TASOR2: variants seen among roughly 807,000 people sequenced by gnomAD.
TASOR2 encodes the protein transcription activation suppressor family member 2, also known as protein TASOR 2.
A neutral mutation model predicts 199.5 loss-of-function variants in TASOR2; 84 were observed. The ratio of observed to expected loss-of-function variants is 0.42; its 90% CI spans 0.35 to 0.50. The LOEUF is 0.50. Ranked by LOEUF, TASOR2 falls within the 20% of genes least tolerant of loss-of-function variation. The probability of loss-of-function intolerance (pLI) is 0.02; values close to 1 mark genes in which losing one functional copy is unlikely to be tolerated. For missense variants in TASOR2, 2,796 were observed against 2,835.9 expected (o/e 0.99, Z 0.32); for synonymous variants, 1,103 against 1,046.6 (o/e 1.05, Z -1.04).
At chr10:5,734,105 A>G (rs1309770205) in intron 11 of TASOR2, among the ~76,000 whole-genome samples, 1 of 152,206 alleles carries the variant, frequency 6.6e-6, no homozygotes, top group Non-Finnish European at 1.5e-5. Context: ...CTTCTGTATA[A>G]TGTAATTTAA....
chr10:5,695,273 A>T (rs1324499189), intron 1 of TASOR2, among the ~76,000 whole-genome samples: 1 of 152,220 alleles, frequency 6.6e-6, no homozygotes, highest in Non-Finnish European at 1.5e-5. Flanking sequence ...CATTAAGGAA[A>T]ATGACATTAA....
chr10:5,749,452 A>G (rs574346449), exon 15 of TASOR2: 2 of 1,614,084 alleles, frequency 1.2e-6, no homozygotes, highest in East Asian at 4.5e-5. Context: ...GGAGTCACCA[A>G]CCCAGATCTC....
At position 5,746,367 on chromosome 10, in the gene TASOR2, T is replaced by C. The variant is rs748032562; in HGVS notation, c.2946T>C (p.Asp982=). 9 of 1,614,144 alleles carry C rather than the reference T, an allele frequency of 5.6e-6. No homozygotes were observed. In the East Asian group the frequency reaches 6.7e-5, roughly 12 times the overall value. Residue 982 remains aspartate, a synonymous_variant, in exon 15 of 21, where the codon GAT becomes GAC. Transcript: ENST00000328090. ...AAGCCACATTCACCAGGACTTACGA[T>C]GGGCCTGGCAGTCAGCCAGTGATAT...
chr10:5,735,595 CAG>C (rs781048470), intron 12 of TASOR2, 49 bp downstream of exon 13: 3 of 1,579,268 alleles, frequency 1.9e-6, no homozygotes, highest in Non-Finnish European at 1.7e-6. Context: ...ACAGATCTAA[CAG>C]AGAGTGCAAG....
chr10:5,762,742 T>TAA, intron 20 of TASOR2, 96 bp downstream of exon 21: 2 of 737,066 alleles, frequency 2.7e-6, no homozygotes, highest in Non-Finnish European at 4.7e-6. Flanking sequence ...GGGAAACTGT[T>TAA]GTTTACATAC....
intron 2 of TASOR2, 42 bp downstream of exon 3, chr10:5,714,249 T>C: frequency 8.5e-7 from 1 of 1,174,582 alleles, no homozygotes; most frequent in Non-Finnish European, 1.1e-6. Flanking sequence ...AAAAATCTTC[T>C]TTTACAAGAT....
At chr10:5,749,178 C>A in exon 15 of TASOR2, 3 of 1,614,066 alleles carry the variant, frequency 1.9e-6, no homozygotes, top group Non-Finnish European at 2.5e-6. Flanking sequence ...GAGATCTCCA[C>A]GGGATCCTCA....
rs1268247640 is a variant in TASOR2, at chr10:5,750,685, C to T, written c.6606+658C>T. Among the ~76,000 whole-genome samples the T allele has an allele frequency of 6.6e-6, 1 of 152,150 alleles. No individual in the cohort carries two copies. The highest frequency in any genetic ancestry group is 2.1e-4 in the South Asian group (1 of 4,822). On this transcript the variant is annotated intron_variant, in intron 15 of 20. Transcript: ENST00000328090. This position sits in a 1 kb window ranked among gnomAD's most constrained non-coding sequence, Gnocchi z 5.4. ...AGAAATAGTACCCTTTACCCAGATA[C>T]CCCAATATTAACATTTCTGAACCAT...
At chr10:5,756,970 A>G (rs561739740) in intron 16 of TASOR2, among the ~76,000 whole-genome samples, 56 of 152,374 alleles carry the variant, frequency 3.7e-4, no homozygotes, top group Admixed American at 5.9e-4. Context: ...AGAGGTTGCT[A>G]AATTTTTTCA....
intron 1 of TASOR2, among the ~76,000 whole-genome samples, chr10:5,703,526 GAC>G (rs1838171385): frequency 2.1e-5 from 1 of 47,900 alleles, no homozygotes. Context: ...TTTTTTTTGA[GAC>G]AGTCTCACTC....
In TASOR2 at chr10:5,740,124, G is replaced by A. The variant is rs1836190056; in HGVS notation, c.1954G>A (p.Val652Met). ...TGCAAGCCAAAGCTCTTCTGTTTCT[G>A]TGGAACATTCATATGCCCTGCTCCT... Residue 652 changes from valine to methionine, a missense_variant, in exon 13 of 21, where the codon GTG becomes ATG. Physicochemically the swap from Val to Met is conservative, Grantham distance 21. This residue lies in a region of TASOR2 where 847 missense variants were observed against 887.4 expected (regional missense o/e 0.95). Coordinates refer to ENST00000328090, the Ensembl canonical transcript of TASOR2. The surrounding 1 kb of genome is among the most constrained non-coding windows in gnomAD (Gnocchi z 5.3). The A allele has an allele frequency of 1.2e-6, 2 of 1,614,028 alleles. No individual in the cohort carries two copies. The highest frequency in any genetic ancestry group is 1.7e-6 in the Non-Finnish European group (2 of 1,180,048).
At position 5,685,607 on chromosome 10, in the gene TASOR2, T is replaced by C. The variant is rs1835724876; in HGVS notation, c.-288+432T>C. ...AGACTTCATGGCAATGCGCCACCTT[T>C]TCTTTTTAGGGTAAAACAGGTCTCT... is the stretch of plus-strand genomic sequence containing the variant. On this transcript the variant is annotated intron_variant, in intron 1 of 20. Transcript: ENST00000328090. The surrounding 1 kb of genome is among the most constrained non-coding windows in gnomAD (Gnocchi z 5.4). 6.6e-6 allele frequency among the ~76,000 whole-genome samples: 1 copy of C among 152,202 alleles called. No homozygotes were observed. The highest frequency in any genetic ancestry group is 2.4e-5 in the African/African-American group (1 of 41,440).
intron 3 of TASOR2, among the ~76,000 whole-genome samples, chr10:5,718,236 A>G (rs72774070): frequency 0.17 from 26,103 of 151,820 alleles, 2,534 homozygotes; most frequent in Admixed American, 0.23. Flanking sequence ...TGAATCGTGC[A>G]ATTAGAATTT....
chr10:5,760,502 T>C (rs1490687488), intron 18 of TASOR2, among the ~76,000 whole-genome samples: 1 of 152,198 alleles, frequency 6.6e-6, no homozygotes, highest in African/African-American at 2.4e-5. Context: ...CTCAGTTCCA[T>C]CTCTAGGAGG....
intron 6 of TASOR2, among the ~76,000 whole-genome samples, chr10:5,721,277 C>T (rs938453801): frequency 6.6e-6 from 1 of 152,016 alleles, no homozygotes. Context: ...GCCACTTAAT[C>T]GTATTATTTT....
chr10:5,693,221 G>A (rs1836692936), intron 1 of TASOR2, among the ~76,000 whole-genome samples: 1 of 152,176 alleles, frequency 6.6e-6, no homozygotes, highest in Non-Finnish European at 1.5e-5. Flanking sequence ...TGTGGTAGTG[G>A]TGGAGCCCTT....
exon 15 of TASOR2, chr10:5,749,144 G>A: frequency 6.5e-7 from 1 of 1,548,372 alleles, no homozygotes; most frequent in South Asian, 1.2e-5. Flanking sequence ...GAAGAGAAGT[G>A]TGTGCCGCCT....
chr10:5,686,615 C>T (rs150953085), intron 1 of TASOR2, among the ~76,000 whole-genome samples: 29 of 152,268 alleles, frequency 1.9e-4, no homozygotes, highest in Non-Finnish European at 3.7e-4. Context: ...ATGATTGTAC[C>T]TTTTTATGTT....
At chr10:5,700,644 T>A (rs2131516788) in intron 1 of TASOR2, among the ~76,000 whole-genome samples, 1 of 152,316 alleles carries the variant, frequency 6.6e-6, no homozygotes, top group East Asian at 1.9e-4. Context: ...GGCGAGATGA[T>A]GTCTCGTAGT....
Sources: gnomAD v4.1 joint callset for allele counts (sites outside exome capture counted in the v4.1 genomes callset) on GRCh38, gnomAD v4.1.1 for gene constraint, gnomAD v4.1.1 regional missense constraint, Gnocchi (gnomAD v3.1) non-coding constraint, MANE v1.5 for transcripts, NCBI Gene and HGNC (gene_info 2026-07-23, HGNC 2026-07-21) for gene names.